FRMD1: variants seen among roughly 807,000 people sequenced by gnomAD.
The protein encoded by FRMD1 is FERM domain containing 1, also known as FERM domain-containing protein 1.
In FRMD1, 51 loss-of-function variants were observed where a neutral mutation model predicts 54.9. That is an observed-to-expected ratio of 0.93 (90% CI 0.74 to 1.17). The LOEUF is 1.17. Ranked by LOEUF, FRMD1 falls within the 50% of genes most tolerant of loss-of-function variation. FRMD1 has a pLI of 0.00. For missense variants in FRMD1, 729 were observed against 743.0 expected (o/e 0.98, Z 0.22); for synonymous variants, 324 against 306.4 (o/e 1.06, Z -0.60).
chr6:168,064,226 A>T (rs1799908141), intron 5 of FRMD1, among the ~76,000 whole-genome samples: 1 of 152,212 alleles, frequency 6.6e-6, no homozygotes, highest in Non-Finnish European at 1.5e-5. Flanking sequence ...CGACTGCCTC[A>T]GAGCAAAGGT....
At chr6:168,078,492 G>A (rs73030321) in intron 1 of FRMD1, among the ~76,000 whole-genome samples, 14,383 of 151,722 alleles carry the variant, frequency 0.095, 700 homozygotes, top group East Asian at 0.11. Context: ...TCCATACACA[G>A]GCTGTGTCCT....
At chr6:168,066,894 C>T in intron 3 of FRMD1, 63 bp from the exon 4 acceptor site, 2 of 1,591,394 alleles carry the variant, frequency 1.3e-6, no homozygotes, top group Non-Finnish European at 8.6e-7. Flanking sequence ...GCTGTCCTGT[C>T]TTCCCAGTTG....
rs1353122830 is a variant in FRMD1 at position 168,079,137 on chromosome 6, G to A, written c.-43C>T. On this transcript the variant is annotated 5_prime_UTR_variant, in exon 1 of 11. Transcript: ENST00000283309. ...CTCCCCCGCCATGGGTCGCAGGTGGGTGCTCAGCACCTCCCAGATCACAGC... is the reference window on the plus strand; with the variant it reads ...CTCCCCCGCCATGGGTCGCAGGTGGATGCTCAGCACCTCCCAGATCACAGC... 2 of 1,545,706 alleles carry A rather than the reference G, an allele frequency of 1.3e-6. No individual in the cohort carries two copies. Among genetic ancestry groups the A allele is most frequent in the African/African-American group, 2.7e-5 (2 of 73,382 alleles).
upstream of FRMD1, chr6:168,081,486 C>G (rs1306694337): frequency 1.3e-6 from 2 of 1,534,804 alleles, no homozygotes; most frequent in African/African-American, 2.7e-5. Flanking sequence ...ATGGCTGAGC[C>G]CTGGAGTCCT....
chr6:168,078,438 T>A (rs1176220134), intron 1 of FRMD1, among the ~76,000 whole-genome samples: 1 of 152,068 alleles, frequency 6.6e-6, no homozygotes, highest in East Asian at 1.9e-4. Flanking sequence ...CCTTGACACC[T>A]CACAGACACC....
chr6:168,091,580 T>C (rs1353330881), intron 1 of FRMD1, among the ~76,000 whole-genome samples: 1 of 152,098 alleles, frequency 6.6e-6, no homozygotes, highest in African/African-American at 2.4e-5. Context: ...TGGGCGGATC[T>C]TGATGCAGAA....
upstream of FRMD1, among the ~76,000 whole-genome samples, chr6:168,084,657 G>C (rs781318512): frequency 6.6e-6 from 1 of 152,226 alleles, no homozygotes; most frequent in Admixed American, 6.5e-5. Context: ...CCCTCCGTGA[G>C]AGCGCCTGCA....
Position 168,060,838 on chromosome 6 carries a change from T to C in FRMD1, c.1265A>G (p.His422Arg). Residue 422 changes from histidine (H) to arginine (R), a missense_variant, in exon 9 of 11, where the codon CAC becomes CGC. Physicochemically the swap from His to Arg is conservative, Grantham distance 29. Coordinates refer to ENST00000283309, the MANE Select transcript of FRMD1 (RefSeq NM_024919.6). The stretch of plus-strand genomic sequence containing the variant: ...GGACGGCTCCTTCTCATGGAGCCCG[T>C]GGACCTCCAAGGGCACGTCCACAGA... ...EMSVDVPLEV[H>R]GLHEKEPSSS... The C allele has an allele frequency of 6.2e-7, 1 of 1,613,590 alleles. No homozygotes were observed. The highest frequency in any genetic ancestry group is 1.3e-5 in the African/African-American group (1 of 75,064).
rs148448906 is a variant in FRMD1, at chr6:168,069,498, C to G, written c.305-2052G>C. Among the ~76,000 whole-genome samples the G allele has an allele frequency of 9.2e-5, 14 of 152,342 alleles. No individual in the cohort carries two copies. The East Asian group carries it at 1.7e-3, about 19-fold the overall frequency. ...CACTATTTGGGTACTCGAGCTTGAA[C>G]TCAGTGTTTGCAGCATGAGTGGCAG... On this transcript the variant is annotated intron_variant, in intron 2 of 10. Coordinates refer to ENST00000283309, the MANE Select transcript of FRMD1 (RefSeq NM_024919.6).
intron 6 of FRMD1, among the ~76,000 whole-genome samples, chr6:168,063,278 C>T (rs1799850468): frequency 6.6e-6 from 1 of 151,060 alleles, no homozygotes; most frequent in Admixed American, 6.6e-5. Flanking sequence ...TCCCATCCCA[C>T]TCTTAGCCAC....
Position 168,063,742 on chromosome 6 carries a change from C to G in FRMD1, c.663G>C (p.Arg221Ser), listed in dbSNP as rs763158276. Residue 221 changes from arginine (R) to serine (S), a missense_variant, in exon 6 of 11, where the codon AGG (arginine) becomes AGC (serine). Arg to Ser is a moderately radical substitution (Grantham distance 110). Transcript: ENST00000283309. ...SYFPQWIITK[R>S]GIDYILRHMP... is the part of the protein sequence containing the mutation. ...TGTGCCGGAGGATGTAGTCAATCCC[C>G]CTCTTGGTGATGATCTGAGGACAGA... 2 of 1,612,636 alleles carry G rather than the reference C, an allele frequency of 1.2e-6. No individual in the cohort carries two copies. The highest frequency in any genetic ancestry group is 2.7e-5 in the African/African-American group (2 of 74,894).
chr6:168,077,376 GTGGGGGGGT>G (rs1800645641), intron 1 of FRMD1, among the ~76,000 whole-genome samples: 2 of 149,646 alleles, frequency 1.3e-5, no homozygotes, highest in East Asian at 2.0e-4. Flanking sequence ...CACACACCCT[GTGGGGGGGT>G]TCCTGTCTAA....
chr6:168,073,322 T>C (rs1283569643), intron 2 of FRMD1, among the ~76,000 whole-genome samples: 1 of 150,560 alleles, frequency 6.6e-6, no homozygotes, highest in African/African-American at 2.4e-5. Flanking sequence ...CTGGAGAGTC[T>C]GACACAGGAA....
At chr6:168,062,197 C>T (rs1157747746) in intron 7 of FRMD1, among the ~76,000 whole-genome samples, 2 of 152,188 alleles carry the variant, frequency 1.3e-5, no homozygotes, top group African/African-American at 4.8e-5. Flanking sequence ...AGAAAGTGCC[C>T]GCAGCAGTGT....
chr6:168,089,549 A>G (rs1175423440), intron 1 of FRMD1, among the ~76,000 whole-genome samples: 1 of 152,204 alleles, frequency 6.6e-6, no homozygotes, highest in Non-Finnish European at 1.5e-5. Flanking sequence ...AGCTGTGTTT[A>G]TCACGCACAC....
At chr6:168,080,206 C>T (rs575206969), upstream of FRMD1, among the ~76,000 whole-genome samples, 18 of 152,214 alleles carry the variant, frequency 1.2e-4, no homozygotes, top group East Asian at 3.9e-4. Flanking sequence ...AGGCCCGGCC[C>T]GGTGGGTTGA....
intron 4 of FRMD1, chr6:168,065,777 C>A: frequency 1.6e-5 from 16 of 995,602 alleles, no homozygotes; most frequent in Non-Finnish European, 1.8e-5. Flanking sequence ...CGCCCCTCAC[C>A]CCCTAGAACC....
chr6:168,080,457 C>CAA (rs199667704), upstream of FRMD1, among the ~76,000 whole-genome samples: 1 of 148,946 alleles, frequency 6.7e-6, no homozygotes, highest in African/African-American at 2.5e-5. Flanking sequence ...AAAAAAACCA[C>CAA]AAAAAAAAAC....
intron 1 of FRMD1, among the ~76,000 whole-genome samples, chr6:168,087,799 C>T (rs920813795): frequency 3.7e-4 from 56 of 152,328 alleles, no homozygotes; most frequent in African/African-American, 1.2e-3. Flanking sequence ...CCCCTTCTAC[C>T]GCTGTTCCCA....
Sources: allele counts gnomAD v4.1 joint callset (sites outside exome capture counted in the v4.1 genomes callset), GRCh38; gene constraint gnomAD v4.1.1; transcripts MANE v1.5; gene names NCBI Gene and HGNC (gene_info 2026-07-23, HGNC 2026-07-21).